ASIC2: variants seen among roughly 807,000 people sequenced by gnomAD.
The protein encoded by ASIC2 is acid-sensing ion channel 2.
ASIC2 carries 25 observed loss-of-function variants against 57.3 expected under a neutral mutation model. The ratio of observed to expected loss-of-function variants is 0.44; its 90% CI spans 0.32 to 0.61. ASIC2 has a LOEUF of 0.61. Among genes scored for constraint, ASIC2 ranks in the 20% least tolerant of loss-of-function variants. The probability of loss-of-function intolerance (pLI) is 0.06; values close to 1 mark genes in which losing one functional copy is unlikely to be tolerated. For synonymous variants in ASIC2, 319 were observed against 307.5 expected, an observed-to-expected ratio of 1.04 and a Z score of -0.39; for missense variants, 641 against 738.1, an observed-to-expected ratio of 0.87 and a Z score of 1.52.
At chr17:33,860,921 G>A (rs1007018799) in intron 1 of ASIC2, among the ~76,000 whole-genome samples, 5 of 152,172 alleles carry the variant, frequency 3.3e-5, no homozygotes, top group African/African-American at 1.2e-4. Context: ...CATGATCTCT[G>A]TCTTTAGCAG....
At position 33,269,717 on chromosome 17, in the gene ASIC2, TCCCTTCCTCCCTCCC is replaced by T. The variant is rs1401893992; in HGVS notation, c.708+21676_708+21690del. ...TGCCTGCCTGCCTGCCTGCCTTTCC[TCCCTTCCTCCCTCCC>T]TCCTTCCTTCCTTCCTTCTTTCCTT... On this transcript the variant is annotated intron_variant, in intron 1 of 9. Coordinates refer to ENST00000225823, the MANE Select transcript of ASIC2 (RefSeq NM_183377.2). Among the ~76,000 whole-genome samples the T allele has an allele frequency of 3.8e-4, 29 of 75,694 alleles. 2 individuals carry two copies. The South Asian group carries it at 5.0e-3, about 13-fold the overall frequency. The allele number at this position is 75,694 out of a possible 152,430, so 49.7% of individuals were successfully genotyped here.
chr17:33,203,231 T>C (rs1297276323), intron 1 of ASIC2, among the ~76,000 whole-genome samples: 1 of 152,236 alleles, frequency 6.6e-6, no homozygotes, highest in Non-Finnish European at 1.5e-5. Flanking sequence ...TCACATCCAG[T>C]GGATTTTTAT....
At chr17:33,193,466 A>G (rs1460196591) in intron 1 of ASIC2, among the ~76,000 whole-genome samples, 1 of 152,160 alleles carries the variant, frequency 6.6e-6, no homozygotes, top group Non-Finnish European at 1.5e-5. Flanking sequence ...AAATGGCTCC[A>G]GGACTGGTGC....
At chr17:33,432,007 G>A (rs1038014012) in intron 1 of ASIC2, among the ~76,000 whole-genome samples, 1 of 152,190 alleles carries the variant, frequency 6.6e-6, no homozygotes, top group Non-Finnish European at 1.5e-5. Context: ...AGGCAAGAAT[G>A]AGAAACAAAA....
At chr17:33,996,797 C>T (rs900436383) in intron 1 of ASIC2, among the ~76,000 whole-genome samples, 1 of 152,202 alleles carries the variant, frequency 6.6e-6, no homozygotes, top group Non-Finnish European at 1.5e-5. Flanking sequence ...TCCAAGGCCT[C>T]TGGCTTTGTA....
At chr17:33,927,101 G>C (rs1567758342) in intron 1 of ASIC2, among the ~76,000 whole-genome samples, 1 of 152,094 alleles carries the variant, frequency 6.6e-6, no homozygotes, top group Non-Finnish European at 1.5e-5. Context: ...GCTAATTTTT[G>C]TATTTTTAGT....
chr17:33,522,221 ACCTCCAGT>A (rs940219597), intron 1 of ASIC2, among the ~76,000 whole-genome samples: 3 of 151,952 alleles, frequency 2.0e-5, no homozygotes, highest in Admixed American at 2.0e-4. Context: ...AGCCCCCCAA[ACCTCCAGT>A]CCTATCTGCT....
At chr17:33,369,208 C>T (rs952138649) in intron 1 of ASIC2, among the ~76,000 whole-genome samples, 6 of 152,142 alleles carry the variant, frequency 3.9e-5, no homozygotes, top group Non-Finnish European at 5.9e-5. Context: ...CTGCCATAGA[C>T]CCCACTTCCC....
At chr17:33,455,005 C>T (rs1184449528) in intron 1 of ASIC2, among the ~76,000 whole-genome samples, 1 of 152,204 alleles carries the variant, frequency 6.6e-6, no homozygotes, top group Non-Finnish European at 1.5e-5. Flanking sequence ...CACATACATT[C>T]AAACAATAGC....
At chr17:33,223,495 T>C (rs192810088) in intron 1 of ASIC2, among the ~76,000 whole-genome samples, 24 of 152,302 alleles carry the variant, frequency 1.6e-4, no homozygotes, top group African/African-American at 5.5e-4. Flanking sequence ...CCTTTTCTAA[T>C]GTATGTCCCT....
At chr17:33,749,106 G>A (rs546474324) in intron 1 of ASIC2, among the ~76,000 whole-genome samples, 69 of 152,144 alleles carry the variant, frequency 4.5e-4, no homozygotes, top group Non-Finnish European at 8.5e-4. Context: ...GGAAGGTGAA[G>A]CAGCACCACC....
chr17:33,258,520 C>T (rs1909159022), intron 1 of ASIC2, among the ~76,000 whole-genome samples: 2 of 151,870 alleles, frequency 1.3e-5, no homozygotes, highest in African/African-American at 2.4e-5. Flanking sequence ...AGTGAGGGAG[C>T]GAGGAGGCAG....
intron 1 of ASIC2, among the ~76,000 whole-genome samples, chr17:33,627,641 GTTAAGTTCAATGTTT>G (rs1279451849): frequency 3.3e-5 from 5 of 152,210 alleles, no homozygotes; most frequent in Non-Finnish European, 7.3e-5. Context: ...CCTGATTCCT[GTTAAGTTCAATGTTT>G]TCTGACAGAC....
chr17:33,552,510 A>T (rs139344006), intron 1 of ASIC2, among the ~76,000 whole-genome samples: 1 of 152,366 alleles, frequency 6.6e-6, no homozygotes, highest in African/African-American at 2.4e-5. Flanking sequence ...CTTGGTGTCC[A>T]GCAGACGTGG....
At chr17:33,601,769 A>G (rs1228401059) in intron 1 of ASIC2, among the ~76,000 whole-genome samples, 1 of 152,210 alleles carries the variant, frequency 6.6e-6, no homozygotes, top group Non-Finnish European at 1.5e-5. Context: ...AGCCTAGCAC[A>G]GCCATAGCAA....
At chr17:33,712,744 C>A (rs958756527) in intron 1 of ASIC2, among the ~76,000 whole-genome samples, 2 of 143,056 alleles carry the variant, frequency 1.4e-5, no homozygotes, top group Non-Finnish European at 3.0e-5. Flanking sequence ...CTCCCGGGTT[C>A]ACGCCATTCT....
At chr17:33,304,283 G>A (rs539574591) in intron 1 of ASIC2, among the ~76,000 whole-genome samples, 121 of 152,282 alleles carry the variant, frequency 7.9e-4, no homozygotes, top group African/African-American at 2.8e-3. Context: ...CTTTGAACAT[G>A]AACAATGGTC....
At chr17:33,169,964 G>GC (rs374280218) in intron 1 of ASIC2, among the ~76,000 whole-genome samples, 3 of 152,110 alleles carry the variant, frequency 2.0e-5, no homozygotes, top group African/African-American at 4.8e-5. Context: ...AAGTGCTGTG[G>GC]CCCCCCAAGA....
At chr17:33,034,898 A>T (rs1419183797) in intron 3 of ASIC2, among the ~76,000 whole-genome samples, 2 of 152,158 alleles carry the variant, frequency 1.3e-5, no homozygotes, top group African/African-American at 4.8e-5. Context: ...ATTAGCCAGT[A>T]TTTCTTCAAC....
Sources: gnomAD v4.1 joint callset for allele counts (sites outside exome capture counted in the v4.1 genomes callset) on GRCh38, gnomAD v4.1.1 for gene constraint, MANE v1.5 for transcripts, NCBI Gene and HGNC (gene_info 2026-07-23, HGNC 2026-07-21) for gene names.